GTPBP6: variants seen among roughly 807,000 people sequenced by gnomAD.
GTPBP6 encodes the protein GTP binding protein 6.
GTPBP6 carries 33 observed loss-of-function variants against 28.9 expected under a neutral mutation model. The ratio of observed to expected loss-of-function variants is 1.14; its 90% CI spans 0.87 to 1.53. GTPBP6 has a LOEUF of 1.53. Ranked by LOEUF, GTPBP6 falls within the 40% of genes most tolerant of loss-of-function variation. The pLI is 0.00. For synonymous variants in GTPBP6, 231 were observed against 192.7 expected, an observed-to-expected ratio of 1.20 and a Z score of -1.65; for missense variants, 507 against 408.3, an observed-to-expected ratio of 1.24 and a Z score of -2.08.
At chrX:311,030 G>A (rs1199871830) in intron 7 of GTPBP6, among the ~76,000 whole-genome samples, 1 of 152,118 alleles carries the variant, frequency 6.6e-6, no homozygotes, top group African/African-American at 2.4e-5. Context: ...ACTGACGGCC[G>A]ACTTCCTATT....
chrX:309,526 T>A (rs1240851189), intron 7 of GTPBP6, among the ~76,000 whole-genome samples: 1 of 150,406 alleles, frequency 6.6e-6, no homozygotes, highest in Non-Finnish European at 1.5e-5. Flanking sequence ...GGAAATGGAG[T>A]TTTTGCAGAT....
intron 7 of GTPBP6, 99 bp from the exon 8 acceptor site, chrX:307,979 G>C: frequency 3.2e-5 from 35 of 1,100,018 alleles, no homozygotes; most frequent in Non-Finnish European, 4.3e-5. Flanking sequence ...AGCTCCCAAC[G>C]ACAGGCTGGG....
chrX:315,813 G>GACACACAC (rs1170984270), intron 2 of GTPBP6, among the ~76,000 whole-genome samples: 15 of 1,108 alleles, frequency 0.014, 6 homozygotes, highest in Non-Finnish European at 0.029. Flanking sequence ...TACACACGCA[G>GACACACAC]ACACACACAC....
intron 7 of GTPBP6, among the ~76,000 whole-genome samples, chrX:308,766 G>T (rs1157173902): frequency 7.7e-6 from 1 of 130,152 alleles, no homozygotes; most frequent in Non-Finnish European, 1.5e-5. Flanking sequence ...GACGAGTCTC[G>T]CTCTGTCACA....
At chrX:317,706 A>ACCCCACCCCG (rs2070464618) in intron 1 of GTPBP6, among the ~76,000 whole-genome samples, 1 of 5,568 alleles carries the variant, frequency 1.8e-4, no homozygotes, top group Non-Finnish European at 6.8e-4. Context: ...ACCCCACCCC[A>ACCCCACCCCG]CCCCACCCCA....
chrX:313,890 G>T (rs1384592515), intron 5 of GTPBP6, among the ~76,000 whole-genome samples: 1 of 151,856 alleles, frequency 6.6e-6, no homozygotes, highest in Non-Finnish European at 1.5e-5. Flanking sequence ...CCAGTTTGTG[G>T]CTACTGATTT....
Position 305,199 on chromosome X carries a change from T to C in GTPBP6, c.1428-2A>G, listed in dbSNP as rs2070130286. ...ACTGTGGCCTCCTTATACAGCCAGCTGGGCACAGATGCGCGTTGTATGGAG... is the reference window on the plus strand; with the variant it reads ...ACTGTGGCCTCCTTATACAGCCAGCCGGGCACAGATGCGCGTTGTATGGAG... On this transcript the variant is annotated splice_acceptor_variant, in intron 9 of 9. Transcript: ENST00000326153. LOFTEE classifies it high-confidence loss of function. 1.9e-6 allele frequency: 3 copies of C among 1,611,312 alleles called. No homozygotes were observed. Among genetic ancestry groups the C allele is most frequent in the Non-Finnish European group, 2.5e-6 (3 of 1,177,468 alleles).
intron 7 of GTPBP6, among the ~76,000 whole-genome samples, chrX:308,132 G>T (rs1450924884): frequency 6.6e-6 from 1 of 151,588 alleles, no homozygotes; most frequent in Non-Finnish European, 1.5e-5. Context: ...AGACCCACAC[G>T]CAAGGGGGTG....
At position 314,345 on chromosome X, in the gene GTPBP6, C is replaced by A. The variant is rs780371145; in HGVS notation, c.690-128G>T. ...GAAGGGAGGAGCCGCTGTTGCGGCC[C>A]CGCTCCGCGTGTAGCTCACACACTG... On this transcript the variant is annotated intron_variant, in intron 4 of 9. Coordinates refer to ENST00000326153, the Ensembl canonical transcript of GTPBP6. 5.9e-5 allele frequency: 46 copies of A among 778,398 alleles called. No individual in the cohort carries two copies. The African/African-American group carries it at 6.5e-4, about 11-fold the overall frequency. The allele number at this position is 778,398 out of a possible 1,614,324, so 48.2% of individuals were successfully genotyped here.
intron 4 of GTPBP6, 38 bp downstream of exon 4, chrX:314,852 G>C (rs1251777235): frequency 2.5e-4 from 99 of 399,746 alleles, no homozygotes; most frequent in Admixed American, 6.1e-4. Flanking sequence ...TCCGGGAGTG[G>C]ACGTGACGCT....
At chrX:316,507 G>A (rs1431872934) in intron 2 of GTPBP6, among the ~76,000 whole-genome samples, 99 of 152,298 alleles carry the variant, frequency 6.5e-4, no homozygotes, top group African/African-American at 1.9e-3. Flanking sequence ...AAGCGGGATG[G>A]TCAGAAACCT....
At chrX:316,741 C>T (rs2070447197) in intron 2 of GTPBP6, among the ~76,000 whole-genome samples, 173 bp downstream of exon 2, 1 of 152,172 alleles carries the variant, frequency 6.6e-6, no homozygotes, top group African/African-American at 2.4e-5. Context: ...TAAAGCCTCA[C>T]CGTCCTCCGA....
At chrX:308,945 G>T (rs1459404951) in intron 7 of GTPBP6, among the ~76,000 whole-genome samples, 1 of 151,736 alleles carries the variant, frequency 6.6e-6, no homozygotes, top group Non-Finnish European at 1.5e-5. Flanking sequence ...CCGTGGTCTC[G>T]ATCTCCTGAC....
Position 307,911 on chromosome X carries a change from G to A in GTPBP6, c.1126-31C>T, listed in dbSNP as rs376818601. The A allele has an allele frequency of 4.8e-5, 70 of 1,473,422 alleles. No homozygotes were observed. The Middle Eastern group carries it at 7.8e-4, about 16-fold the overall frequency. The allele number at this position is 1,473,422 out of a possible 1,614,324, so 91.3% of individuals were successfully genotyped here. A position where few individuals can be genotyped will look rare whatever the true frequency, so the allele number is the denominator to read the frequency against. ...GGCCGGGCCGTGGGGTCAGAGCTGC[G>A]GAGCCTCTGGTCCCTGACCCCAAGC... is the stretch of plus-strand genomic sequence containing the variant. On this transcript the variant is annotated intron_variant, in intron 7 of 9. Coordinates refer to ENST00000326153, the Ensembl canonical transcript of GTPBP6.
chrX:313,006 G>C, intron 5 of GTPBP6, 82 bp from the exon 6 acceptor site: 1 of 1,244,394 alleles, frequency 8.0e-7, no homozygotes, highest in Non-Finnish European at 1.1e-6. Flanking sequence ...GGGTCTGCGG[G>C]GGCCCGGGGC....
At chrX:307,488 G>A (rs374522326) in exon 9 of GTPBP6, 36 of 1,611,492 alleles carry the variant, frequency 2.2e-5, no homozygotes, top group African/African-American at 6.7e-5. Context: ...ACACGGGCAC[G>A]ACGTTCGGTT....
At chrX:305,290 T>A in intron 9 of GTPBP6, 93 bp from the exon 10 acceptor site, 2 of 964,378 alleles carry the variant, frequency 2.1e-6, no homozygotes, top group Non-Finnish European at 3.3e-6. Flanking sequence ...AGAGCTTAGC[T>A]CAAACCATTC....
intron 9 of GTPBP6, among the ~76,000 whole-genome samples, chrX:305,529 G>C (rs188528778): frequency 1.2e-3 from 175 of 151,206 alleles, no homozygotes; most frequent in Non-Finnish European, 1.3e-3. Context: ...CACCGTGTTA[G>C]CCAGGATGGT....
intron 9 of GTPBP6, 81 bp downstream of exon 9, chrX:307,279 G>A: frequency 3.8e-6 from 5 of 1,324,214 alleles, no homozygotes; most frequent in Non-Finnish European, 4.3e-6. Flanking sequence ...AGCTCCTTGT[G>A]CACCCACGAA....
Sources: gnomAD v4.1 joint callset for allele counts (sites outside exome capture counted in the v4.1 genomes callset) on GRCh38, gnomAD v4.1.1 for gene constraint, MANE v1.5 for transcripts, NCBI Gene and HGNC (gene_info 2026-07-23, HGNC 2026-07-21) for gene names.